The following GRB10 variants were observed in gnomAD, a reference collection of about 807,000 sequenced individuals.
GRB10 encodes the protein growth factor receptor-bound protein 10.
In GRB10, 20 loss-of-function variants were observed where a neutral mutation model predicts 80.9. The ratio of observed to expected loss-of-function variants is 0.25; its 90% CI spans 0.17 to 0.36. The LOEUF is 0.36. Among genes scored for constraint, GRB10 ranks in the 10% least tolerant of loss-of-function variants. The probability of loss-of-function intolerance (pLI) is 1.00; values close to 1 mark genes in which losing one functional copy is unlikely to be tolerated. For missense variants in GRB10, 548 were observed against 747.7 expected (o/e 0.73, Z 3.12); for synonymous variants, 291 against 291.5 (o/e 1.00, Z 0.02).
rs138878346 is a variant in GRB10, at chr7:50,709,673, G to A, written c.52-5765C>T. On this transcript the variant is annotated intron_variant, in intron 4 of 18. Coordinates refer to ENST00000401949, the MANE Select transcript of GRB10 (RefSeq NM_001350814.2). ...AACTTCCCTCACTCTGTGGATTAAG[G>A]GCTGGAGGTTTCAAAGAGTACACAT... Among the ~76,000 whole-genome samples the A allele has an allele frequency of 8.1e-4, 123 of 151,428 alleles. 1 individual carries two copies. The highest frequency in any genetic ancestry group is 2.8e-3 in the African/African-American group (117 of 41,250).
At chr7:50,673,748 TGTCCAGAACTCTTTCTCAC>T (rs879885793) in intron 6 of GRB10, among the ~76,000 whole-genome samples, 4 of 152,130 alleles carry the variant, frequency 2.6e-5, no homozygotes, top group Non-Finnish European at 5.9e-5. Flanking sequence ...TTCACACGCC[TGTCCAGAACTCTTTCTCAC>T]GTGGCTCCTG....
intron 4 of GRB10, among the ~76,000 whole-genome samples, chr7:50,731,750 T>G (rs975080089): frequency 2.0e-5 from 3 of 152,072 alleles, no homozygotes; most frequent in African/African-American, 7.2e-5. Context: ...CCCACAAAAT[T>G]CCACCTAGGG....
chr7:50,676,557 G>A (rs1252513063), intron 5 of GRB10, among the ~76,000 whole-genome samples: 2 of 152,190 alleles, frequency 1.3e-5, no homozygotes, highest in Non-Finnish European at 2.9e-5. Flanking sequence ...TTGAAAATAA[G>A]CTTTGCATCC....
intron 6 of GRB10, among the ~76,000 whole-genome samples, chr7:50,670,405 T>C (rs1280335696): frequency 6.6e-6 from 1 of 151,930 alleles, no homozygotes; most frequent in Admixed American, 6.6e-5. Context: ...AAAAAAACAG[T>C]TAATATGGTA....
chr7:50,674,304 G>T, intron 6 of GRB10, 132 bp downstream of exon 6: 1 of 891,238 alleles, frequency 1.1e-6, no homozygotes, highest in Non-Finnish European at 1.8e-6. Context: ...TCCCATCAAA[G>T]CAATGTATCT....
intron 7 of GRB10, among the ~76,000 whole-genome samples, chr7:50,659,535 G>A (rs1261017481): frequency 2.6e-5 from 4 of 152,216 alleles, no homozygotes; most frequent in Admixed American, 1.3e-4. Flanking sequence ...AAGGCTGGAC[G>A]CAGGGCTGCT....
chr7:50,688,793 G>C (rs978016214), intron 5 of GRB10, among the ~76,000 whole-genome samples: 1 of 152,062 alleles, frequency 6.6e-6, no homozygotes, highest in African/African-American at 2.4e-5. Context: ...GTGGGTGAGG[G>C]GGGGCAGAGG....
intron 4 of GRB10, among the ~76,000 whole-genome samples, chr7:50,729,930 G>T (rs895539419): frequency 5.3e-5 from 8 of 152,094 alleles, no homozygotes; most frequent in Non-Finnish European, 8.8e-5. Flanking sequence ...TACCTGGCTG[G>T]TGCTCTATCA....
At chr7:50,734,567 T>C (rs879298803) in intron 3 of GRB10, among the ~76,000 whole-genome samples, 2 of 152,236 alleles carry the variant, frequency 1.3e-5, no homozygotes, top group Admixed American at 1.3e-4. Context: ...AATTCCTGGA[T>C]GTGTTTGACA....
At chr7:50,755,727 C>A (rs1349462400) in intron 3 of GRB10, among the ~76,000 whole-genome samples, 160 bp downstream of exon 3, 1 of 152,170 alleles carries the variant, frequency 6.6e-6, no homozygotes, top group Non-Finnish European at 1.5e-5. Flanking sequence ...AGAGAGAGGA[C>A]AGAGACGGGA....
At chr7:50,660,763 G>GTGCA (rs1211717136) in intron 7 of GRB10, among the ~76,000 whole-genome samples, 1 of 152,162 alleles carries the variant, frequency 6.6e-6, no homozygotes, top group African/African-American at 2.4e-5. Flanking sequence ...ATGAGTTGAA[G>GTGCA]TGCACCTCAT....
chr7:50,666,138 G>C (rs549178488), intron 7 of GRB10, among the ~76,000 whole-genome samples: 3 of 152,162 alleles, frequency 2.0e-5, no homozygotes, highest in African/African-American at 7.2e-5. Flanking sequence ...TAGAATAATG[G>C]CTGCTCTCTT....
intron 2 of GRB10, among the ~76,000 whole-genome samples, chr7:50,756,626 G>A (rs1170386132): frequency 6.6e-6 from 1 of 152,202 alleles, no homozygotes; most frequent in Non-Finnish European, 1.5e-5. Context: ...CATCACTCAA[G>A]TCCTATGAAC....
At chr7:50,609,029 T>C (rs1464041703) in intron 13 of GRB10, among the ~76,000 whole-genome samples, 1 of 150,162 alleles carries the variant, frequency 6.7e-6, no homozygotes, top group African/African-American at 2.4e-5. Context: ...AATGTACATG[T>C]ACGTATTGGG....
At chr7:50,637,744 C>A (rs1444192151) in intron 7 of GRB10, among the ~76,000 whole-genome samples, 4 of 151,546 alleles carry the variant, frequency 2.6e-5, no homozygotes, top group African/African-American at 9.7e-5. Context: ...GCTTGAATAG[C>A]CACAGCAATT....
At chr7:50,770,179 T>A (rs570216664) in intron 2 of GRB10, among the ~76,000 whole-genome samples, 7 of 152,210 alleles carry the variant, frequency 4.6e-5, no homozygotes, top group Non-Finnish European at 1.0e-4. Context: ...TCTAGTTCCA[T>A]CAAGGTGGTA....
intron 5 of GRB10, among the ~76,000 whole-genome samples, chr7:50,689,638 T>C (rs2062548148): frequency 6.6e-6 from 1 of 151,970 alleles, no homozygotes; most frequent in African/African-American, 2.4e-5. Flanking sequence ...TGACTGCAAA[T>C]GTGCACACAG....
At chr7:50,776,379 A>T (rs935777714) in intron 2 of GRB10, among the ~76,000 whole-genome samples, 6 of 143,572 alleles carry the variant, frequency 4.2e-5, no homozygotes, top group African/African-American at 1.3e-4. Context: ...CACTCCGCTA[A>T]TTTTTTTTTT....
chr7:50,789,428 G>A (rs1196044079), intron 1 of GRB10, among the ~76,000 whole-genome samples: 3 of 152,142 alleles, frequency 2.0e-5, no homozygotes, highest in South Asian at 2.1e-4. Context: ...GGATAAACAC[G>A]CCTATGGCTT....
Sources: gnomAD v4.1 joint callset for allele counts (sites outside exome capture counted in the v4.1 genomes callset) on GRCh38, gnomAD v4.1.1 for gene constraint, MANE v1.5 for transcripts, NCBI Gene and HGNC (gene_info 2026-07-23, HGNC 2026-07-21) for gene names.